ATRN: variants seen among roughly 807,000 people sequenced by gnomAD.
The protein encoded by ATRN is attractin.
In ATRN, 54 loss-of-function variants were observed where a neutral mutation model predicts 178.7. The observed-to-expected ratio is 0.30, with a 90% CI of 0.24 to 0.38. The LOEUF is 0.38. Ranked by LOEUF, ATRN falls within the 10% of genes least tolerant of loss-of-function variation. ATRN has a pLI of 1.00. For synonymous variants in ATRN, 636 were observed against 663.0 expected (o/e 0.96, Z 0.63); for missense variants, 1,443 against 1,815.1 (o/e 0.79, Z 3.73).
chr20:3,479,425 A>T (rs563982649), intron 1 of ATRN, among the ~76,000 whole-genome samples: 3 of 152,284 alleles, frequency 2.0e-5, no homozygotes, highest in Non-Finnish European at 4.4e-5. Flanking sequence ...GATGTGATTG[A>T]CTTAACTCTT....
At position 3,591,252 on chromosome 20, in the gene ATRN, G is replaced by C. The variant is rs761966458; in HGVS notation, c.3268G>C (p.Glu1090Gln). Residue 1090 changes from glutamate (E) to glutamine (Q), a missense_variant, in exon 19 of 29, where the codon GAG (glutamate) becomes CAG (glutamine). Coordinates refer to ENST00000262919, the MANE Select transcript of ATRN (RefSeq NM_139321.3). ...CENLTTGKHC[E>Q]TCISGFYGDP... ...GAACCTGACCACAGGCAAGCACTGC[G>C]AGACCTGCATATCTGGCTTCTACGG... 1.2e-6 allele frequency: 2 copies of C among 1,614,184 alleles called. No individual in the cohort carries two copies. Among genetic ancestry groups the C allele is most frequent in the South Asian group, 2.2e-5 (2 of 91,074 alleles).
Position 3,537,295 on chromosome 20 carries a change from A to G in ATRN, c.494+1959A>G, listed in dbSNP as rs1331535946. 5.3e-5 allele frequency among the ~76,000 whole-genome samples: 8 copies of G among 152,222 alleles called. No homozygotes were observed. In the East Asian group the frequency reaches 1.4e-3, roughly 26 times the overall value. On this transcript the variant is annotated intron_variant, in intron 2 of 28. Transcript: ENST00000262919. ...CAGGCTTGCTTTCCTCATTTTTAAG[A>G]AAATGTCTGCCAGATATCCAACTCT...
At chr20:3,562,716 C>T (rs978540527) in intron 9 of ATRN, among the ~76,000 whole-genome samples, 18 of 152,110 alleles carry the variant, frequency 1.2e-4, no homozygotes, top group African/African-American at 3.6e-4. Context: ...ATTTGAGTTA[C>T]GAAATAATGT....
chr20:3,553,844 A>G (rs1188099393), intron 6 of ATRN, among the ~76,000 whole-genome samples: 1 of 152,026 alleles, frequency 6.6e-6, no homozygotes, highest in Non-Finnish European at 1.5e-5. Flanking sequence ...CAGTTCAGAC[A>G]TTTCTCCCTG....
At chr20:3,612,977 GAA>G in intron 24 of ATRN, among the ~76,000 whole-genome samples, 1 of 152,214 alleles carries the variant, frequency 6.6e-6, no homozygotes, top group South Asian at 2.1e-4. Context: ...TCCACCCTCT[GAA>G]AGTCACTGAA....
At chr20:3,503,948 T>C (rs1206187683) in intron 1 of ATRN, among the ~76,000 whole-genome samples, 1 of 152,140 alleles carries the variant, frequency 6.6e-6, no homozygotes, top group African/African-American at 2.4e-5. Flanking sequence ...AGAGAAAGTC[T>C]TGAAAGCAGC....
In ATRN at chr20:3,635,392, A is replaced by AATAAATAT. The variant is rs1447434992; in HGVS notation, c.3942+1006_3942+1007insAATATATA. 2.5e-4 allele frequency among the ~76,000 whole-genome samples: 38 copies of AATAAATAT among 151,436 alleles called. No homozygotes were observed. The East Asian group carries it at 6.0e-3, about 24-fold the overall frequency. On this transcript the variant is annotated intron_variant, in intron 26 of 28. Transcript: ENST00000262919. ...AAATAAATAAATAAATAAATAAATA[A>AATAAATAT]ATATTTTAAAAATAACCACCATTAA...
chr20:3,519,210 G>T lies in ATRN; in HGVS notation c.411-16043G>T, dbSNP rs984657875. Among the ~76,000 whole-genome samples the T allele has an allele frequency of 3.3e-5, 5 of 151,986 alleles. No homozygotes were observed. In the East Asian group the frequency reaches 5.8e-4, roughly 18 times the overall value. On this transcript the variant is annotated intron_variant, in intron 1 of 28. Transcript: ENST00000262919. ...TACAAGGCCAGTGTATTGCTGAATG[G>T]TTGGGCAGAGTCTTAACCTGTGCTT...
At chr20:3,497,320 T>TA (rs1162753633) in intron 1 of ATRN, among the ~76,000 whole-genome samples, 1 of 152,032 alleles carries the variant, frequency 6.6e-6, no homozygotes, top group Non-Finnish European at 1.5e-5. Context: ...TTTCCATGTT[T>TA]AGCACTTCCT....
At chr20:3,626,692 C>CCCCTGAA (rs1450694690) in intron 25 of ATRN, among the ~76,000 whole-genome samples, 2 of 152,084 alleles carry the variant, frequency 1.3e-5, no homozygotes, top group Non-Finnish European at 1.5e-5. Flanking sequence ...TCACTCACAA[C>CCCCTGAA]CCCCTGCCTC....
rs10626066 is a variant in ATRN, at chr20:3,554,305, T to TTTTATTTATTTATTTA, written c.1112+4999_1112+5014dup. Among the ~76,000 whole-genome samples, 194 of 139,234 alleles carry TTTTATTTATTTATTTA rather than the reference T, an allele frequency of 1.4e-3. 2 individuals are homozygous for TTTTATTTATTTATTTA. The highest frequency in any genetic ancestry group is 3.0e-3 in the Admixed American group (41 of 13,788). 91.3% of individuals were successfully genotyped at this position (139,234 alleles called of 152,430 possible). The stretch of plus-strand genomic sequence containing the variant: ...TGTTTCTGGAACTTAGATTACAGAT[T>TTTTATTTATTTATTTA]TTTATTTATTTATTTATTTATTTAT... On this transcript the variant is annotated intron_variant, in intron 6 of 28. Transcript: ENST00000262919.
At chr20:3,576,452 C>CT (rs368774649) in intron 13 of ATRN, among the ~76,000 whole-genome samples, 39 of 148,748 alleles carry the variant, frequency 2.6e-4, no homozygotes, top group Middle Eastern at 3.5e-3. Flanking sequence ...GCTTACAAGA[C>CT]TTTTTTTTTT....
chr20:3,583,333 T>C (rs2086306744), intron 16 of ATRN, among the ~76,000 whole-genome samples: 1 of 152,246 alleles, frequency 6.6e-6, no homozygotes, highest in African/African-American at 2.4e-5. Context: ...CTTACAGCCC[T>C]ACTTTTATGG....
intron 1 of ATRN, among the ~76,000 whole-genome samples, chr20:3,533,519 C>T (rs753416205): frequency 1.1e-4 from 17 of 152,268 alleles, no homozygotes; most frequent in Admixed American, 2.6e-4. Context: ...TGTACCCCCC[C>T]GTTTTCTTTT....
intron 16 of ATRN, 57 bp downstream of exon 16, chr20:3,582,411 G>A: frequency 1.3e-6 from 2 of 1,496,456 alleles, no homozygotes; most frequent in Non-Finnish European, 9.3e-7. Context: ...GAAACCATAG[G>A]AGGCATAGTT....
chr20:3,490,328 T>G lies in ATRN; in HGVS notation c.410+18811T>G, dbSNP rs1047781548. ...ATGGGTCAGAGCGCTGCTTGTCTCT[T>G]TCGCCCATCCAGGAAGGTCACATTC... On this transcript the variant is annotated intron_variant, in intron 1 of 28. Coordinates refer to ENST00000262919, the MANE Select transcript of ATRN (RefSeq NM_139321.3). 1.4e-5 allele frequency: 14 copies of G among 1,015,000 alleles called. No individual in the cohort carries two copies. The East Asian group carries it at 3.3e-4, about 24-fold the overall frequency. The allele number at this position is 1,015,000 out of a possible 1,614,324, so 62.9% of individuals were successfully genotyped here.
intron 1 of ATRN, among the ~76,000 whole-genome samples, chr20:3,518,412 C>T (rs2085236226): frequency 6.6e-6 from 1 of 152,162 alleles, no homozygotes; most frequent in Admixed American, 6.5e-5. Context: ...CACGAAAAGA[C>T]ACATGGTTGT....
At chr20:3,521,292 A>G (rs375744925) in intron 1 of ATRN, among the ~76,000 whole-genome samples, 9 of 152,158 alleles carry the variant, frequency 5.9e-5, no homozygotes, top group African/African-American at 1.9e-4. Context: ...CAATTTACGC[A>G]TGCAACAAAC....
chr20:3,502,476 T>C (rs2084977695), intron 1 of ATRN, among the ~76,000 whole-genome samples: 1 of 152,208 alleles, frequency 6.6e-6, no homozygotes, highest in Non-Finnish European at 1.5e-5. Context: ...CGGTGTTTCC[T>C]GACCCTCCCA....
Sources: gnomAD v4.1 joint callset for allele counts (sites outside exome capture counted in the v4.1 genomes callset) on GRCh38, gnomAD v4.1.1 for gene constraint, MANE v1.5 for transcripts, NCBI Gene and HGNC (gene_info 2026-07-23, HGNC 2026-07-21) for gene names.